The following PXDN variants were observed in gnomAD, a reference collection of about 807,000 sequenced individuals.
PXDN encodes the protein peroxidasin, also known as peroxidasin homolog.
PXDN carries 77 observed loss-of-function variants against 140.3 expected under a neutral mutation model. The observed-to-expected ratio is 0.55, with a 90% CI of 0.46 to 0.66. The LOEUF is 0.66. Ranked by LOEUF, PXDN falls within the 30% of genes least tolerant of loss-of-function variation. The pLI, the probability that PXDN is intolerant of heterozygous loss-of-function variation, is 0.00. For synonymous variants in PXDN, 911 were observed against 857.4 expected (o/e 1.06, Z -1.09); for missense variants, 1,838 against 2,039.5 (o/e 0.90, Z 1.90).
At position 1,658,066 on chromosome 2, in the gene PXDN, CTCTCTCTCTCTCTCT is replaced by C. The variant is rs1558494415; in HGVS notation, c.1837+2800_1837+2814del. 5.4e-3 allele frequency among the ~76,000 whole-genome samples: 680 copies of C among 126,336 alleles called. 101 individuals are homozygous for C. The highest frequency in any genetic ancestry group is 7.7e-3 in the Non-Finnish European group (466 of 60,640). The allele number at this position is 126,336 out of a possible 152,430, so 82.9% of individuals were successfully genotyped here. On this transcript the variant is annotated intron_variant, in intron 14 of 22. Transcript: ENST00000252804. ...TCTCTCTCTCTCTCTCTCTCTCTCT[CTCTCTCTCTCTCTCT>C]CTCTCTCTCTCTGTTACAGTGTCTG...
chr2:1,661,156 G>A, intron 13 of PXDN, 119 bp from the exon 14 acceptor site: 1 of 1,201,688 alleles, frequency 8.3e-7, no homozygotes, highest in South Asian at 1.5e-5. Flanking sequence ...AAGCTCCCAG[G>A]CTGCGCTCAG....
chr2:1,643,378 G>A lies in PXDN; in HGVS notation c.3942C>T (p.Asp1314=). ...GCCCCTGGCACGCACCTTCACAGCA[G>A]TCCTGCCACACCCGGAGGTCTACCC... ...IPRVDLRVWQ[D]CCEDCRTRGQ... The change falls in exon 19 of 23, where the codon GAC becomes GAT. Residue 1314 remains aspartate (D), a synonymous_variant. Coordinates refer to ENST00000252804, the MANE Select transcript of PXDN (RefSeq NM_012293.3). 1.2e-6 allele frequency: 2 copies of A among 1,613,704 alleles called. No homozygotes were observed. Among genetic ancestry groups the A allele is most frequent in the East Asian group, 2.2e-5 (1 of 44,868 alleles).
At chr2:1,744,220 G>A (rs1685633797) in intron 1 of PXDN, 36 bp downstream of exon 1, 5 of 1,310,368 alleles carry the variant, frequency 3.8e-6, no homozygotes, top group East Asian at 3.7e-5. Flanking sequence ...ACGAAGCCCC[G>A]GACCCCGCGC....
At chr2:1,634,740 C>T (rs889678953) in intron 22 of PXDN, among the ~76,000 whole-genome samples, 16 of 152,158 alleles carry the variant, frequency 1.1e-4, no homozygotes, top group South Asian at 2.1e-4. Context: ...TGCTCTTCCC[C>T]GGTCTGCCCT....
chr2:1,740,344 G>C (rs1685512309), intron 1 of PXDN, among the ~76,000 whole-genome samples: 1 of 152,170 alleles, frequency 6.6e-6, no homozygotes, highest in South Asian at 2.1e-4. Context: ...GGGAGGTCAG[G>C]GAAGCTCCAA....
intron 3 of PXDN, among the ~76,000 whole-genome samples, chr2:1,689,371 C>T (rs1047740165): frequency 1.3e-5 from 2 of 152,110 alleles, no homozygotes; most frequent in Non-Finnish European, 2.9e-5. Flanking sequence ...TCGCTTTAGA[C>T]CCATTTTAAA....
intron 9 of PXDN, among the ~76,000 whole-genome samples, chr2:1,670,250 T>C (rs925818986): frequency 2.0e-5 from 3 of 152,174 alleles, no homozygotes; most frequent in African/African-American, 7.2e-5. Flanking sequence ...AAAGAGAACT[T>C]GTTAAATAAA....
Position 1,677,016 on chromosome 2 carries a change from C to T in PXDN, c.759G>A (p.Gln253=). 6.2e-7 allele frequency: 1 copy of T among 1,609,992 alleles called. No homozygotes were observed. Residue 253 remains glutamine, a synonymous_variant, in exon 8 of 23, where the codon CAG becomes CAA. Coordinates refer to ENST00000252804, the MANE Select transcript of PXDN (RefSeq NM_012293.3). ...CERPRITSEP[Q]DADVTSGNTV... is the part of the protein sequence containing the mutation. ...TGTTCCCCGAGGTCACATCTGCGTC[C>T]TGGGGCTCGGAGGTGATCCGGGGCC...
At chr2:1,663,956 T>C in intron 11 of PXDN, 193 bp from the exon 12 acceptor site, 1 of 618,786 alleles carries the variant, frequency 1.6e-6, no homozygotes, top group East Asian at 2.8e-5. Flanking sequence ...CCTGCACCCG[T>C]AACTCAGACA....
chr2:1,714,786 G>A lies in PXDN; in HGVS notation c.201-21652C>T, dbSNP rs76780848. 0.051 allele frequency among the ~76,000 whole-genome samples: 7,778 copies of A among 152,250 alleles called. 267 individuals carry two copies. The highest frequency in any genetic ancestry group is 0.077 in the Non-Finnish European group (5,225 of 68,026). ...GACATTTAGAAATGCAAAGTGCATA[G>A]CTCTTGGGCCGGACAAACCAGGCCT... On this transcript the variant is annotated intron_variant, in intron 1 of 22. Coordinates refer to ENST00000252804, the MANE Select transcript of PXDN (RefSeq NM_012293.3). The surrounding 1 kb of genome is among the most constrained non-coding windows in gnomAD (Gnocchi z 4.3).
intron 1 of PXDN, among the ~76,000 whole-genome samples, chr2:1,706,241 G>A (rs1186975181): frequency 2.0e-5 from 3 of 152,272 alleles, no homozygotes; most frequent in Middle Eastern, 3.4e-3. Context: ...TATCTGGGAG[G>A]GTGGGGCTTC....
At chr2:1,684,825 C>T (rs552212242) in intron 4 of PXDN, among the ~76,000 whole-genome samples, 19 of 152,262 alleles carry the variant, frequency 1.2e-4, no homozygotes, top group South Asian at 4.1e-4. Flanking sequence ...TTCCTGAATA[C>T]GAAATTTCTC....
At position 1,680,307 on chromosome 2, in the gene PXDN, A is replaced by C. The variant is rs1156984341; in HGVS notation, c.616T>G (p.Leu206Val). The C allele has an allele frequency of 1.2e-6, 2 of 1,614,022 alleles. No individual in the cohort carries two copies. The highest frequency in any genetic ancestry group is 2.2e-5 in the East Asian group (1 of 44,880). Residue 206 changes from leucine (L) to valine (V), a missense_variant, in exon 7 of 23, where the codon TTG becomes GTG. Coordinates refer to ENST00000252804, the MANE Select transcript of PXDN (RefSeq NM_012293.3). ...CDCEILWLAD[L>V]LKTYAESGNA... The stretch of plus-strand genomic sequence containing the variant: ...CCCGACTCCGCGTAGGTTTTCAGCA[A>C]ATCCGCCAACCACAGGATTTCACAG...
At chr2:1,730,306 T>C (rs1292108441) in intron 1 of PXDN, among the ~76,000 whole-genome samples, 4 of 152,232 alleles carry the variant, frequency 2.6e-5, no homozygotes, top group Non-Finnish European at 5.9e-5. Context: ...ATTCTTAGCT[T>C]ACAGCTTGTG....
chr2:1,668,734 C>G (rs1288636121), intron 9 of PXDN, among the ~76,000 whole-genome samples: 1 of 152,032 alleles, frequency 6.6e-6, no homozygotes, highest in African/African-American at 2.4e-5. Context: ...AAATGGAAAT[C>G]AAAACCACAA....
intron 16 of PXDN, chr2:1,653,235 C>T (rs752138378): frequency 1.8e-5 from 6 of 334,024 alleles, no homozygotes; most frequent in Non-Finnish European, 2.4e-5. Flanking sequence ...CCTCCTAATA[C>T]GCGTGGCACC....
chr2:1,653,049 GTAC>G, intron 16 of PXDN: 1 of 200,676 alleles, frequency 5.0e-6, no homozygotes, highest in East Asian at 1.2e-4. Context: ...TTCATCAATA[GTAC>G]TACTACCAGC....
At chr2:1,701,882 G>A (rs914149608) in intron 1 of PXDN, among the ~76,000 whole-genome samples, 7 of 152,110 alleles carry the variant, frequency 4.6e-5, no homozygotes, top group South Asian at 2.1e-4. Context: ...GAGAGGACAC[G>A]AGGAGAAGGT....
At position 1,653,108 on chromosome 2, in the gene PXDN, C is replaced by T. The variant is rs1034031123; in HGVS notation, c.2104+520G>A. On this transcript the variant is annotated intron_variant, in intron 16 of 22. Transcript: ENST00000252804. Reference sequence around the variant, plus strand: ...AAGGCATCTGTTATTTACTGGGCAACGGCAAAGTGCCAGAGCAGAGTGAGT... The same window carrying T: ...AAGGCATCTGTTATTTACTGGGCAATGGCAAAGTGCCAGAGCAGAGTGAGT... The T allele has an allele frequency of 2.4e-4, 51 of 209,920 alleles. 1 individual carries two copies. The East Asian group carries it at 4.4e-3, about 18-fold the overall frequency. The allele number at this position is 209,920 out of a possible 1,614,324, so 13.0% of individuals were successfully genotyped here. A position where few individuals can be genotyped will look rare whatever the true frequency, so the allele number is the denominator to read the frequency against.
Sources: allele counts gnomAD v4.1 joint callset (sites outside exome capture counted in the v4.1 genomes callset), GRCh38; gene constraint gnomAD v4.1.1; non-coding constraint Gnocchi (gnomAD v3.1); transcripts MANE v1.5; gene names NCBI Gene and HGNC (gene_info 2026-07-23, HGNC 2026-07-21).